DIABLO: variants seen among roughly 807,000 people sequenced by gnomAD.
The protein encoded by DIABLO is diablo IAP-binding mitochondrial protein, also known as diablo homolog, mitochondrial.
Under a neutral mutation model 31.7 loss-of-function variants are expected in DIABLO, and 32 were observed. The observed-to-expected ratio is 1.01, with a 90% CI of 0.76 to 1.35. The LOEUF is 1.35. Ranked by LOEUF, DIABLO falls within the 40% of genes most tolerant of loss-of-function variation. The pLI is 0.00. For missense variants in DIABLO, 316 were observed against 286.4 expected (o/e 1.10, Z -0.75); for synonymous variants, 132 against 103.2 (o/e 1.28, Z -1.69).
intron 5 of DIABLO, among the ~76,000 whole-genome samples, chr12:122,210,668 C>T (rs576734891): frequency 1.0e-3 from 154 of 152,114 alleles, no homozygotes; most frequent in Admixed American, 1.6e-3. Context: ...CGTGAGCCAC[C>T]GCGCCCAGGT....
At chr12:122,225,808 GT>G in intron 1 of DIABLO, 156 bp downstream of exon 1, 2 of 1,487,112 alleles carry the variant, frequency 1.3e-6, no homozygotes, top group Admixed American at 2.2e-5. Context: ...AGGCGGGGCT[GT>G]CCTCAGTCCT....
chr12:122,215,350 G>A (rs59315366), intron 5 of DIABLO, among the ~76,000 whole-genome samples: 14,347 of 151,902 alleles, frequency 0.094, 1,988 homozygotes, highest in African/African-American at 0.31. Flanking sequence ...AGGCCAAGGC[G>A]GGTGGATCAC....
Position 122,216,873 on chromosome 12 carries a change from C to A in DIABLO, c.316-4G>T, listed in dbSNP as rs747853500. 3 of 1,607,596 alleles carry A rather than the reference C, an allele frequency of 1.9e-6. No homozygotes were observed. The South Asian group carries it at 3.3e-5, about 18-fold the overall frequency. On this transcript the variant is annotated splice_polypyrimidine_tract_variant and splice_region_variant and intron_variant, in intron 3 of 5. Transcript: ENST00000464942. ...GAGAAGTTAAGGTATAAACAGCCTA[C>A]AAATAGAGAATGAACAAGTCTGAGT... is the stretch of plus-strand genomic sequence containing the variant.
intron 2 of DIABLO, 172 bp from the exon 3 acceptor site, chr12:122,218,569 T>G (rs1182866993): frequency 1.1e-5 from 8 of 730,722 alleles, no homozygotes; most frequent in Admixed American, 8.0e-5. Flanking sequence ...TTTAAGACAA[T>G]ATAGAGAAAT....
At chr12:122,220,070 A>G (rs1389356568) in intron 2 of DIABLO, among the ~76,000 whole-genome samples, 2 of 150,874 alleles carry the variant, frequency 1.3e-5, no homozygotes, top group Admixed American at 6.6e-5. Flanking sequence ...CAGCTTCCCC[A>G]GTGGCTGGGA....
At chr12:122,226,081 C>T (rs746984499), upstream of DIABLO, 3 of 1,555,118 alleles carry the variant, frequency 1.9e-6, no homozygotes, top group East Asian at 2.4e-5. Flanking sequence ...CGGAGCGGGG[C>T]ACGGCCTCCA....
Position 122,213,661 on chromosome 12 carries a change from T to C in DIABLO, c.523+2827A>G, listed in dbSNP as rs140699970. 1.3e-4 allele frequency among the ~76,000 whole-genome samples: 20 copies of C among 152,316 alleles called. No individual in the cohort carries two copies. In the East Asian group the frequency reaches 3.9e-3, roughly 29 times the overall value. On this transcript the variant is annotated intron_variant, in intron 5 of 5. Transcript: ENST00000464942. ...CCTTCTAGATATAAGCATATCCTCC[T>C]GTTCACTGCACCTAGAAATCCTCTG...
intron 3 of DIABLO, chr12:122,217,292 C>G (rs1460580887): frequency 4.6e-6 from 1 of 216,558 alleles, no homozygotes; most frequent in East Asian, 1.3e-4. Flanking sequence ...ACACGTGGAT[C>G]ACCTGAAGTC....
At chr12:122,225,669 G>A (rs1391787063) in intron 1 of DIABLO, 5 of 1,370,498 alleles carry the variant, frequency 3.6e-6, no homozygotes, top group Non-Finnish European at 4.7e-6. Context: ...TCTCCTCAGG[G>A]ACTTCGAGTG....
Position 122,216,830 on chromosome 12 carries a change from T to C in DIABLO, c.355A>G (p.Ser119Gly). The C allele has an allele frequency of 1.2e-6, 2 of 1,614,140 alleles. No individual in the cohort carries two copies. The highest frequency in any genetic ancestry group is 1.3e-5 in the African/African-American group (1 of 75,050). The part of the protein sequence containing the change: ...TLTSLYRQYT[S>G]LLGKMNSEEE... ...TCTGAATTCATTTTCCCAAGTAAAC[T>C]TGTATATTGTCGGTAAAGAGAAGTT... Residue 119 changes from serine (S) to glycine (G), a missense_variant, in exon 4 of 6, where the codon AGT (serine) becomes GGT (glycine). By Grantham distance (56) the Ser-to-Gly change is moderately conservative. Coordinates refer to ENST00000464942, the MANE Select transcript of DIABLO (RefSeq NM_001371333.1).
At position 122,209,429 on chromosome 12, in the gene DIABLO, C is replaced by T. The variant is rs181924023; in HGVS notation, c.524-852G>A. Among the ~76,000 whole-genome samples, 312 of 151,858 alleles carry T rather than the reference C, an allele frequency of 2.1e-3. 3 individuals are homozygous for T. The highest frequency in any genetic ancestry group is 3.4e-3 in the Non-Finnish European group (234 of 67,942). Reference sequence around the variant, plus strand: ...CTGTAATCCTAGCACTTTGGGATGCCGAGGTGGGTGGACTGCCTGAGCTCA... The same window carrying T: ...CTGTAATCCTAGCACTTTGGGATGCTGAGGTGGGTGGACTGCCTGAGCTCA... On this transcript the variant is annotated intron_variant, in intron 5 of 5. Coordinates refer to ENST00000464942, the MANE Select transcript of DIABLO (RefSeq NM_001371333.1).
Position 122,208,097 on chromosome 12 carries a change from CAA to C in DIABLO, c.*282_*283del. 1.6e-6 allele frequency: 1 copy of C among 633,038 alleles called. No homozygotes were observed. Among genetic ancestry groups the C allele is most frequent in the Non-Finnish European group, 2.9e-6 (1 of 342,094 alleles). The allele number at this position is 633,038 out of a possible 1,614,324, so 39.2% of individuals were successfully genotyped here. ...GACTCCTCTCTCTGACCCAGGTAGG[CAA>C]AATGCTTTGGGTGTGAGGTAAAAAA... On this transcript the variant is annotated 3_prime_UTR_variant, in exon 6 of 6. Transcript: ENST00000464942.
At chr12:122,216,946 G>A (rs1175647732) in intron 3 of DIABLO, 77 bp from the exon 4 acceptor site, 3 of 1,277,084 alleles carry the variant, frequency 2.3e-6, no homozygotes, top group African/African-American at 2.9e-5. Flanking sequence ...TCCACCTCAA[G>A]GAAATTAAGT....
intron 2 of DIABLO, among the ~76,000 whole-genome samples, chr12:122,223,953 A>G (rs539838780): frequency 6.6e-6 from 1 of 152,094 alleles, no homozygotes; most frequent in African/African-American, 2.4e-5. Flanking sequence ...AGTGTGAGCC[A>G]CCACACCCGG....
chr12:122,207,692 TCAGATG>T lies in DIABLO; in HGVS notation c.*683_*688del, dbSNP rs1953955496. Reference sequence around the variant, plus strand: ...CCCCAGGAGAGACGCATTTTCTCTTTCAGATGCAAACAAAATCTTACACTCTTCTCC... The same window carrying T: ...CCCCAGGAGAGACGCATTTTCTCTTTCAAACAAAATCTTACACTCTTCTCC... On this transcript the variant is annotated 3_prime_UTR_variant, in exon 6 of 6. Coordinates refer to ENST00000464942, the MANE Select transcript of DIABLO (RefSeq NM_001371333.1). 5.1e-6 allele frequency: 3 copies of T among 589,602 alleles called. No homozygotes were observed. Among genetic ancestry groups the T allele is most frequent in the Non-Finnish European group, 9.5e-6 (3 of 314,384 alleles). 36.5% of individuals were successfully genotyped at this position (589,602 alleles called of 1,614,324 possible).
chr12:122,208,713 T>C (rs746197306), intron 5 of DIABLO, 136 bp from the exon 6 acceptor site: 3 of 845,976 alleles, frequency 3.5e-6, no homozygotes, highest in African/African-American at 3.3e-5. Context: ...CTGTCTTCTC[T>C]CTCTGCAAAG....
intron 5 of DIABLO, chr12:122,208,848 C>G: frequency 1.8e-6 from 1 of 562,262 alleles, no homozygotes; most frequent in Non-Finnish European, 3.4e-6. Flanking sequence ...ATCTTTATAG[C>G]TACAGAGCTT....
At chr12:122,226,594 G>T (rs772585974), upstream of DIABLO, 12 of 687,364 alleles carry the variant, frequency 1.7e-5, no homozygotes, top group Middle Eastern at 3.7e-4. Flanking sequence ...AGGACGGTCG[G>T]CGGCCTGCCG....
intron 5 of DIABLO, chr12:122,209,978 CAT>C (rs1293623540): frequency 5.1e-6 from 3 of 583,546 alleles, no homozygotes; most frequent in South Asian, 4.4e-5. Flanking sequence ...ATGTTTTGGG[CAT>C]ATGTTAAGTG....
Sources: gnomAD v4.1 joint callset for allele counts (sites outside exome capture counted in the v4.1 genomes callset) on GRCh38, gnomAD v4.1.1 for gene constraint, MANE v1.5 for transcripts, NCBI Gene and HGNC (gene_info 2026-07-23, HGNC 2026-07-21) for gene names.